The following PCSK2 variants were observed in gnomAD, a reference collection of about 807,000 sequenced individuals.
PCSK2 encodes the protein neuroendocrine convertase 2.
Under a neutral mutation model 69.7 loss-of-function variants are expected in PCSK2, and 14 were observed. That is an observed-to-expected ratio of 0.20 (90% CI 0.13 to 0.31). PCSK2 has a LOEUF of 0.31. PCSK2 is among the 10% of genes least tolerant of loss of function. The pLI is 1.00. For synonymous variants in PCSK2, 307 were observed against 320.7 expected (o/e 0.96, Z 0.46); for missense variants, 544 against 842.5 (o/e 0.65, Z 4.39).
intron 5 of PCSK2, among the ~76,000 whole-genome samples, chr20:17,387,799 C>T (rs2031275477): frequency 2.6e-5 from 4 of 152,146 alleles, no homozygotes; most frequent in South Asian, 4.1e-4. Flanking sequence ...ATAGAGCAGA[C>T]ATAGTTTCTA....
At position 17,377,135 on chromosome 20, in the gene PCSK2, A is replaced by G. The variant is rs956652702; in HGVS notation, c.543+7858A>G. On this transcript the variant is annotated intron_variant, in intron 5 of 11. Transcript: ENST00000262545. ...ATCCACAGGCAAATAACTACAAGCT[A>G]TTTCTTTTCTTTAATGTCTAGAATC... is the stretch of plus-strand genomic sequence containing the variant. Among the ~76,000 whole-genome samples, 17 of 152,200 alleles carry G rather than the reference A, an allele frequency of 1.1e-4. 1 individual carries two copies. The highest frequency in any genetic ancestry group is 3.6e-4 in the African/African-American group (15 of 41,462).
chr20:17,382,746 A>G (rs1054575785), intron 5 of PCSK2, among the ~76,000 whole-genome samples: 2 of 152,122 alleles, frequency 1.3e-5, no homozygotes, highest in Non-Finnish European at 2.9e-5. Context: ...CAAAGAACAA[A>G]GTAGTGGAAG....
Position 17,403,028 on chromosome 20 carries a change from C to T in PCSK2, c.544-6235C>T, listed in dbSNP as rs545629588. On this transcript the variant is annotated intron_variant, in intron 5 of 11. Coordinates refer to ENST00000262545, the MANE Select transcript of PCSK2 (RefSeq NM_002594.5). ...AGCCACCCAGGACACAACTGTGTGG[C>T]CTGACCGTTCAGTTGTATCACTCCT... Among the ~76,000 whole-genome samples, 5 of 152,256 alleles carry T rather than the reference C, an allele frequency of 3.3e-5. No individual in the cohort carries two copies. The East Asian group carries it at 7.7e-4, about 24-fold the overall frequency.
chr20:17,423,496 T>G (rs1184339824), intron 6 of PCSK2, among the ~76,000 whole-genome samples: 1 of 152,196 alleles, frequency 6.6e-6, no homozygotes, highest in Non-Finnish European at 1.5e-5. Flanking sequence ...GACTCTCAGC[T>G]AATCTCTCCA....
intron 2 of PCSK2, among the ~76,000 whole-genome samples, chr20:17,269,125 A>G (rs537551695): frequency 6.6e-5 from 10 of 152,316 alleles, no homozygotes; most frequent in Admixed American, 1.3e-4. Flanking sequence ...GATTTGTATT[A>G]AGTAACCAAG....
intron 1 of PCSK2, among the ~76,000 whole-genome samples, chr20:17,240,070 T>C (rs6136035): frequency 2.0e-5 from 3 of 151,766 alleles, no homozygotes; most frequent in Non-Finnish European, 4.4e-5. Flanking sequence ...GCCAGGATGG[T>C]CTCGATCTCC....
chr20:17,273,439 A>T lies in PCSK2; in HGVS notation c.282+13095A>T, dbSNP rs572059645. 1.2e-4 allele frequency among the ~76,000 whole-genome samples: 18 copies of T among 152,312 alleles called. No individual in the cohort carries two copies. The South Asian group carries it at 3.5e-3, about 30-fold the overall frequency. On this transcript the variant is annotated intron_variant, in intron 2 of 11. Transcript: ENST00000262545. ...AATGAAAGTGCAAATGTCTGCCAAT[A>T]CATGCCTAAGACTTCAAAGCTGGAA... is the stretch of plus-strand genomic sequence containing the variant.
chr20:17,249,979 A>C (rs949455170), intron 1 of PCSK2, among the ~76,000 whole-genome samples: 3 of 152,234 alleles, frequency 2.0e-5, no homozygotes, highest in African/African-American at 7.2e-5. Flanking sequence ...AAAATCATTA[A>C]AATTGAAAAG....
intron 2 of PCSK2, 149 bp downstream of exon 2, chr20:17,260,493 G>A (rs915848967): frequency 1.6e-6 from 1 of 619,692 alleles, no homozygotes; most frequent in African/African-American, 1.8e-5. Context: ...AGTCATATCA[G>A]GGACTCTCTG....
intron 5 of PCSK2, among the ~76,000 whole-genome samples, chr20:17,387,603 G>C (rs904607144): frequency 6.6e-6 from 1 of 152,108 alleles, no homozygotes; most frequent in East Asian, 1.9e-4. Flanking sequence ...TCTCAGAGAG[G>C]GACCAAAATG....
At chr20:17,246,389 G>T (rs971125447) in intron 1 of PCSK2, among the ~76,000 whole-genome samples, 17 of 152,258 alleles carry the variant, frequency 1.1e-4, no homozygotes, top group South Asian at 6.2e-4. Context: ...ATTGACTGGG[G>T]ATATTCAGTT....
At chr20:17,325,895 T>C (rs1464164019) in intron 2 of PCSK2, among the ~76,000 whole-genome samples, 1 of 151,660 alleles carries the variant, frequency 6.6e-6, no homozygotes, top group Non-Finnish European at 1.5e-5. Context: ...CTAACCCAGG[T>C]ATATTCTTCT....
upstream of PCSK2, chr20:17,227,029 G>C: frequency 2.4e-6 from 1 of 416,728 alleles, no homozygotes; most frequent in Non-Finnish European, 4.3e-6. Context: ...ATCAAGCACA[G>C]ACCTACACTC....
chr20:17,410,674 G>T (rs905543887), intron 6 of PCSK2, among the ~76,000 whole-genome samples: 1 of 152,188 alleles, frequency 6.6e-6, no homozygotes, highest in Admixed American at 6.5e-5. Flanking sequence ...AAAACTTTTG[G>T]CATGAAGTGT....
chr20:17,360,323 A>C (rs1217608354), intron 3 of PCSK2, among the ~76,000 whole-genome samples: 3 of 133,220 alleles, frequency 2.3e-5, no homozygotes, highest in Non-Finnish European at 4.7e-5. Flanking sequence ...CAGAAAACAC[A>C]AAGTGTTTAT....
At chr20:17,383,468 A>G (rs1399492710) in intron 5 of PCSK2, among the ~76,000 whole-genome samples, 1 of 152,242 alleles carries the variant, frequency 6.6e-6, no homozygotes, top group Non-Finnish European at 1.5e-5. Context: ...GTCCATCCCA[A>G]GAAAACAGAG....
At chr20:17,414,795 T>C (rs1040748113) in intron 6 of PCSK2, among the ~76,000 whole-genome samples, 1 of 152,320 alleles carries the variant, frequency 6.6e-6, no homozygotes, top group South Asian at 2.1e-4. Flanking sequence ...AATAAAATAC[T>C]GGCAAACCAA....
At chr20:17,398,523 C>CAAAAAAAAAAA (rs36062712) in intron 5 of PCSK2, among the ~76,000 whole-genome samples, 1 of 85,234 alleles carries the variant, frequency 1.2e-5, no homozygotes, top group Non-Finnish European at 2.2e-5. Context: ...GATCCTGTCT[C>CAAAAAAAAAAA]AAAAAAAAAA....
At chr20:17,364,647 C>T (rs1000983642) in intron 4 of PCSK2, among the ~76,000 whole-genome samples, 1 of 152,186 alleles carries the variant, frequency 6.6e-6, no homozygotes, top group Non-Finnish European at 1.5e-5. Context: ...CGGGTCCCCC[C>T]AACAAGATGA....
Sources: allele counts gnomAD v4.1 joint callset (sites outside exome capture counted in the v4.1 genomes callset), GRCh38; gene constraint gnomAD v4.1.1; transcripts MANE v1.5; gene names NCBI Gene and HGNC (gene_info 2026-07-23, HGNC 2026-07-21).